Variants in LHFPL3 observed in about 807,000 individuals in gnomAD.
LHFPL3 encodes LHFPL tetraspan subfamily member 3 protein.
A neutral mutation model predicts 19.3 loss-of-function variants in LHFPL3; 5 were observed. That is an observed-to-expected ratio of 0.26 (90% CI 0.14 to 0.54). LHFPL3 has a LOEUF of 0.54. Ranked by LOEUF, LHFPL3 falls within the 20% of genes least tolerant of loss-of-function variation. The probability of loss-of-function intolerance (pLI) is 0.94; values close to 1 mark genes in which losing one functional copy is unlikely to be tolerated. For missense variants in LHFPL3, 249 were observed against 307.4 expected (o/e 0.81, Z 1.42); for synonymous variants, 133 against 126.2 (o/e 1.05, Z -0.36).
At chr7:104,658,206 A>G (rs1381428456) in intron 1 of LHFPL3, among the ~76,000 whole-genome samples, 1 of 152,232 alleles carries the variant, frequency 6.6e-6, no homozygotes, top group Non-Finnish European at 1.5e-5. Flanking sequence ...AAATGTATCT[A>G]TATTCTTGCA....
chr7:104,506,162 A>G (rs1324519384), intron 1 of LHFPL3, among the ~76,000 whole-genome samples: 2 of 152,062 alleles, frequency 1.3e-5, no homozygotes, highest in African/African-American at 2.4e-5. Context: ...GACTATAGGC[A>G]TGTGCCAACA....
intron 1 of LHFPL3, among the ~76,000 whole-genome samples, chr7:104,626,687 A>C (rs1791551665): frequency 6.6e-6 from 1 of 152,148 alleles, no homozygotes; most frequent in Admixed American, 6.6e-5. Context: ...TGGTGATAGA[A>C]CCTCTGCAGG....
chr7:104,673,626 A>G (rs1335111936), intron 1 of LHFPL3, among the ~76,000 whole-genome samples: 1 of 152,212 alleles, frequency 6.6e-6, no homozygotes, highest in East Asian at 1.9e-4. Context: ...TTGGGCAAAT[A>G]GGCATGCAAG....
At chr7:104,689,610 A>G (rs1024899001) in intron 1 of LHFPL3, among the ~76,000 whole-genome samples, 21 of 152,158 alleles carry the variant, frequency 1.4e-4, no homozygotes, top group Non-Finnish European at 4.4e-5. Flanking sequence ...TATACTGTTA[A>G]TCTTTCTCCC....
At chr7:104,796,614 G>A (rs886716418) in intron 2 of LHFPL3, 5 of 152,428 alleles carry the variant, frequency 3.3e-5, no homozygotes, top group African/African-American at 1.2e-4. Flanking sequence ...TACCAATCAG[G>A]CAGGAAGGAC....
At chr7:104,865,129 A>G (rs1791696012) in intron 2 of LHFPL3, among the ~76,000 whole-genome samples, 1 of 152,166 alleles carries the variant, frequency 6.6e-6, no homozygotes, top group South Asian at 2.1e-4. Context: ...TGGGGAAAAA[A>G]CAGCAGAAAA....
chr7:104,794,817 G>A (rs942031079), intron 2 of LHFPL3, among the ~76,000 whole-genome samples: 6 of 152,216 alleles, frequency 3.9e-5, no homozygotes, highest in Non-Finnish European at 8.8e-5. Context: ...AAAGACCAAG[G>A]TCTGGGTTGG....
chr7:104,343,078 A>G (rs766829279), intron 1 of LHFPL3, among the ~76,000 whole-genome samples: 1 of 150,526 alleles, frequency 6.6e-6, no homozygotes, highest in African/African-American at 2.5e-5. Flanking sequence ...AGTTTTAATT[A>G]TGATAGAGCT....
chr7:104,671,263 GA>G (rs202057013), intron 1 of LHFPL3, among the ~76,000 whole-genome samples: 8 of 149,578 alleles, frequency 5.3e-5, no homozygotes, highest in African/African-American at 1.2e-4. Flanking sequence ...TTTTAAAAAA[GA>G]AAAAAAAACT....
intron 2 of LHFPL3, chr7:104,895,079 T>C (rs966152246): frequency 8.5e-5 from 13 of 152,218 alleles, no homozygotes; most frequent in Admixed American, 7.2e-4. Flanking sequence ...ACACTGTCCT[T>C]GGCCATACAA....
intron 1 of LHFPL3, among the ~76,000 whole-genome samples, chr7:104,391,125 T>C (rs1433466644): frequency 2.0e-5 from 3 of 152,216 alleles, no homozygotes; most frequent in Non-Finnish European, 4.4e-5. Flanking sequence ...TTTCTCCCAT[T>C]CTGTAGTTTG....
chr7:104,631,379 C>G (rs1430691001), intron 1 of LHFPL3, among the ~76,000 whole-genome samples: 1 of 151,968 alleles, frequency 6.6e-6, no homozygotes, highest in Non-Finnish European at 1.5e-5. Context: ...TCCAGAAATC[C>G]CGATTGGCCC....
At chr7:104,406,389 G>A (rs2116502975) in intron 1 of LHFPL3, among the ~76,000 whole-genome samples, 1 of 152,338 alleles carries the variant, frequency 6.6e-6, no homozygotes, top group Middle Eastern at 3.4e-3. Context: ...AGCAGTGGTT[G>A]TCCAGGAAAG....
chr7:104,437,397 A>C (rs539823777), intron 1 of LHFPL3, among the ~76,000 whole-genome samples: 19 of 152,210 alleles, frequency 1.2e-4, no homozygotes, highest in Admixed American at 7.2e-4. Context: ...GTTTTCCCCC[A>C]CATCTCGATT....
chr7:104,766,327 T>G (rs1794457840), intron 2 of LHFPL3, among the ~76,000 whole-genome samples: 1 of 152,226 alleles, frequency 6.6e-6, no homozygotes, highest in Non-Finnish European at 1.5e-5. Flanking sequence ...GCACTATCTT[T>G]GACAAGGCTC....
At chr7:104,557,691 A>G (rs1023774011) in intron 1 of LHFPL3, among the ~76,000 whole-genome samples, 1 of 151,232 alleles carries the variant, frequency 6.6e-6, no homozygotes, top group Admixed American at 6.6e-5. Flanking sequence ...TTTATTTTTT[A>G]TTATACTTTA....
intron 2 of LHFPL3, among the ~76,000 whole-genome samples, chr7:104,841,447 C>A (rs1326613074): frequency 7.3e-6 from 1 of 137,002 alleles, no homozygotes; most frequent in East Asian, 2.2e-4. Flanking sequence ...AATGATCAAA[C>A]AATGATACTG....
chr7:104,490,588 T>C (rs2027948), intron 1 of LHFPL3, among the ~76,000 whole-genome samples: 78,352 of 151,354 alleles, frequency 0.52, 21,076 homozygotes, highest in Middle Eastern at 0.63. Context: ...CAAAAACAAC[T>C]CTAGTTCTCC....
At chr7:104,779,498 C>T (rs1794684874) in intron 2 of LHFPL3, among the ~76,000 whole-genome samples, 1 of 152,072 alleles carries the variant, frequency 6.6e-6, no homozygotes, top group South Asian at 2.1e-4. Flanking sequence ...GCCCAGGATG[C>T]CTCTTGGTTA....
Sources: gnomAD v4.1 joint callset for allele counts (sites outside exome capture counted in the v4.1 genomes callset) on GRCh38, gnomAD v4.1.1 for gene constraint, MANE v1.5 for transcripts, NCBI Gene and HGNC (gene_info 2026-07-23, HGNC 2026-07-21) for gene names.